CDKL5: variants seen among roughly 807,000 people sequenced by gnomAD.
The protein encoded by CDKL5 is cyclin dependent kinase like 5.
In CDKL5, 8 loss-of-function variants were observed where a neutral mutation model predicts 61.7. The observed-to-expected ratio is 0.13, with a 90% CI of 0.08 to 0.23. The LOEUF (loss-of-function observed/expected upper bound fraction) is 0.23. CDKL5 is among the 10% of genes least tolerant of loss of function. The probability of loss-of-function intolerance (pLI) is 1.00; values close to 1 mark genes in which losing one functional copy is unlikely to be tolerated. For synonymous variants in CDKL5, 275 were observed against 272.3 expected, an observed-to-expected ratio of 1.01 and a Z score of -0.10; for missense variants, 440 against 734.5, an observed-to-expected ratio of 0.60 and a Z score of 4.63.
At chrX:18,591,939 C>T (rs1198546031) in intron 9 of CDKL5, among the ~76,000 whole-genome samples, 1 of 112,409 alleles carries the variant, frequency 8.9e-6, no homozygotes, top group African/African-American at 3.2e-5. Context: ...TGTATCCTCA[C>T]TGGACTGAGG....
At chrX:18,478,820 C>T (rs1004232628) in intron 1 of CDKL5, among the ~76,000 whole-genome samples, 78 of 109,035 alleles carry the variant, frequency 7.2e-4, no homozygotes, top group Non-Finnish European at 9.5e-4. Context: ...AAGTGATTCT[C>T]CTGCCTCAGC....
At chrX:18,582,438 G>C (rs1287977851) in intron 7 of CDKL5, among the ~76,000 whole-genome samples, 1 of 111,303 alleles carries the variant, frequency 9.0e-6, no homozygotes, top group Admixed American at 9.6e-5. Flanking sequence ...AATGTATAGG[G>C]AAATTTTTTT....
intron 16 of CDKL5, among the ~76,000 whole-genome samples, chrX:18,622,556 A>G (rs970379501): frequency 8.9e-6 from 1 of 112,617 alleles, no homozygotes; most frequent in African/African-American, 3.2e-5. Context: ...ATAAGCTTCA[A>G]AAGATTTAAG....
chrX:18,500,869 CCTT>C (rs746068646), intron 1 of CDKL5, among the ~76,000 whole-genome samples: 60 of 110,888 alleles, frequency 5.4e-4, no homozygotes, highest in African/African-American at 1.8e-3. Flanking sequence ...GACCGACTCT[CCTT>C]CTGTTGCCCA....
intron 13 of CDKL5, 119 bp from the exon 14 acceptor site, chrX:18,609,346 A>G: frequency 8.8e-7 from 1 of 1,139,981 alleles, no homozygotes; most frequent in Non-Finnish European, 1.2e-6. Flanking sequence ...GTAAGCCATG[A>G]TCCTACTACT....
intron 1 of CDKL5, among the ~76,000 whole-genome samples, chrX:18,436,265 C>T (rs1177557523): frequency 3.6e-5 from 4 of 110,375 alleles, no homozygotes; most frequent in African/African-American, 1.3e-4. Flanking sequence ...GCTGTCTCAG[C>T]AGGGGCAGAG....
chrX:18,466,964 G>C (rs1405397242), intron 1 of CDKL5, among the ~76,000 whole-genome samples: 1 of 111,942 alleles, frequency 8.9e-6, no homozygotes, highest in African/African-American at 3.2e-5. Context: ...CGTTGGGAGA[G>C]AAGTGGCATA....
At chrX:18,434,431 T>C (rs1005219644) in intron 1 of CDKL5, among the ~76,000 whole-genome samples, 5 of 111,604 alleles carry the variant, frequency 4.5e-5, no homozygotes, top group African/African-American at 1.3e-4. Context: ...TGGTCTGATA[T>C]TAATATTTTA....
intron 7 of CDKL5, among the ~76,000 whole-genome samples, chrX:18,583,823 A>G (rs915458297): frequency 8.9e-6 from 1 of 112,225 alleles, no homozygotes; most frequent in Non-Finnish European, 1.9e-5. Flanking sequence ...GCAACAGTAC[A>G]TATGCAAATA....
In CDKL5 at chrX:18,650,547, C is replaced by G. The variant is rs775114662; in HGVS notation, c.2935C>G (p.Gln979Glu). 5 of 1,210,912 alleles carry G rather than the reference C, an allele frequency of 4.1e-6. No individual in the cohort carries two copies. The African/African-American group carries it at 8.7e-5, about 21-fold the overall frequency. Residue 979 changes from glutamine to glutamate, a missense_variant, in exon 21 of 22, where the codon CAG (glutamine) becomes GAG (glutamate). By Grantham distance (29) the Gln-to-Glu change is conservative. Coordinates refer to the CDKL5 transcript ENST00000379989. ...AGGCACTTCCATGTGCCCGACACTC[C>G]AGGTCCGAGGCACTGATGCTTTCAG...
chrX:18,566,117 A>G (rs1167121616), intron 4 of CDKL5, among the ~76,000 whole-genome samples: 5 of 112,236 alleles, frequency 4.5e-5, no homozygotes, highest in African/African-American at 6.5e-5. Context: ...AACTGTCATC[A>G]AATTTTGTAA....
At chrX:18,454,729 C>T (rs1310391921) in intron 1 of CDKL5, among the ~76,000 whole-genome samples, 1 of 107,787 alleles carries the variant, frequency 9.3e-6, no homozygotes, top group Non-Finnish European at 1.9e-5. Flanking sequence ...CTAATTTTTA[C>T]ATTTTTAGTA....
At chrX:18,429,165 G>A (rs965692574) in intron 1 of CDKL5, among the ~76,000 whole-genome samples, 1 of 111,315 alleles carries the variant, frequency 9.0e-6, no homozygotes, top group Non-Finnish European at 1.9e-5. Context: ...CCTAGAGACT[G>A]ATAACATTTA....
At chrX:18,556,735 T>C (rs886605297) in intron 3 of CDKL5, among the ~76,000 whole-genome samples, 6 of 110,243 alleles carry the variant, frequency 5.4e-5, no homozygotes, top group Non-Finnish European at 9.5e-5. Flanking sequence ...ATACAGAAAT[T>C]AGCTGGGCGT....
intron 3 of CDKL5, among the ~76,000 whole-genome samples, chrX:18,534,197 AT>A (rs1186535849): frequency 7.2e-5 from 8 of 111,048 alleles, no homozygotes; most frequent in Non-Finnish European, 9.4e-5. Flanking sequence ...ATCTGCAGCA[AT>A]TTTCTCAGTG....
intron 5 of CDKL5, 35 bp downstream of exon 5, chrX:18,575,525 G>A (rs185773628): frequency 7.7e-6 from 9 of 1,162,074 alleles, no homozygotes; most frequent in African/African-American, 7.1e-5. Flanking sequence ...ACATTTGCCC[G>A]ATTCTTTTAT....
Position 18,509,197 on chromosome X carries a change from G to GCACGCGCGCGCGCACACACACA in CDKL5, c.65-1620_65-1619insGCGCGCGCGCACACACACACAC, listed in dbSNP as rs1204561636. Among the ~76,000 whole-genome samples the GCACGCGCGCGCGCACACACACA allele has an allele frequency of 1.1e-4, 7 of 64,308 alleles. No individual in the cohort carries two copies. In the East Asian group the frequency reaches 4.1e-3, roughly 38 times the overall value. 55.8% of individuals were successfully genotyped at this position (64,308 alleles called of 115,157 possible). On this transcript the variant is annotated intron_variant, in intron 2 of 17. Coordinates refer to ENST00000623535, the MANE Select transcript of CDKL5 (RefSeq NM_001323289.2). Reference sequence around the variant, plus strand: ...AGAGAGCGAGACTGTCTCAAAACACGCACACACACACACACACACACACAC... The same window carrying GCACGCGCGCGCGCACACACACA: ...AGAGAGCGAGACTGTCTCAAAACACGCACGCGCGCGCGCACACACACACACACACACACACACACACACACAC...
At chrX:18,443,117 T>A (rs747144563) in intron 1 of CDKL5, among the ~76,000 whole-genome samples, 1 of 112,108 alleles carries the variant, frequency 8.9e-6, no homozygotes, top group South Asian at 3.7e-4. Flanking sequence ...TCACCATTCT[T>A]CCTTCACTCC....
intron 14 of CDKL5, among the ~76,000 whole-genome samples, chrX:18,611,986 T>G (rs1292407116): frequency 1.8e-5 from 2 of 112,116 alleles, no homozygotes; most frequent in Non-Finnish European, 3.8e-5. Context: ...ACAGTCTGTA[T>G]ATTCCTTTTG....
Sources: allele counts gnomAD v4.1 joint callset (sites outside exome capture counted in the v4.1 genomes callset), GRCh38; gene constraint gnomAD v4.1.1; transcripts MANE v1.5; gene names NCBI Gene and HGNC (gene_info 2026-07-23, HGNC 2026-07-21).